Variants in UCP1 observed in about 807,000 individuals in gnomAD.
UCP1 encodes the protein mitochondrial brown fat uncoupling protein 1.
Under a neutral mutation model 26.2 loss-of-function variants are expected in UCP1, and 24 were observed. That is an observed-to-expected ratio of 0.92 (90% confidence interval 0.66 to 1.29). The LOEUF (loss-of-function observed/expected upper bound fraction) is 1.29. Ranked by LOEUF, UCP1 falls within the 50% of genes most tolerant of loss-of-function variation. The probability of loss-of-function intolerance (pLI) is 0.00; values close to 1 mark genes in which losing one functional copy is unlikely to be tolerated. For synonymous variants in UCP1, 164 were observed against 156.8 expected (o/e 1.05, Z -0.34); for missense variants, 402 against 388.7 (o/e 1.03, Z -0.29).
intron 2 of UCP1, among the ~76,000 whole-genome samples, chr4:140,565,249 A>G (rs1478062286): frequency 6.6e-6 from 1 of 152,174 alleles, no homozygotes; most frequent in African/African-American, 2.4e-5. Context: ...CTTTAAACAG[A>G]AACTTGGAAG....
At chr4:140,562,516 T>C (rs978538797) in intron 4 of UCP1, 143 bp from the exon 5 acceptor site, 2 of 901,104 alleles carry the variant, frequency 2.2e-6, no homozygotes, top group African/African-American at 3.4e-5. Context: ...AAGAAAGGTA[T>C]TGCACTAGAA....
At chr4:140,568,102 CTCTA>C in intron 1 of UCP1, 125 bp from the exon 2 acceptor site, 3 of 922,892 alleles carry the variant, frequency 3.3e-6, no homozygotes, top group Admixed American at 4.1e-5. Flanking sequence ...ATCCACCTCC[CTCTA>C]CCGTGTGTGT....
At chr4:140,560,659 C>T (rs889289644) in intron 5 of UCP1, among the ~76,000 whole-genome samples, 1 of 151,912 alleles carries the variant, frequency 6.6e-6, no homozygotes, top group Non-Finnish European at 1.5e-5. Context: ...TATTGTTTAA[C>T]CTATAAAAAA....
At chr4:140,564,456 A>T (rs1385515268) in intron 2 of UCP1, among the ~76,000 whole-genome samples, 1 of 152,240 alleles carries the variant, frequency 6.6e-6, no homozygotes. Context: ...AAGGTTCAGT[A>T]ACATTTACTC....
Position 140,568,860 on chromosome 4 carries a change from GGGCAGCGGCGGT to G in UCP1, c.-143_-132del. ...ATTTCTGTTTTTTGAACCGACCGCC[GGGCAGCGGCGGT>G]GCAGAGGCGGCGGCTGCAGACGGAG... On this transcript the variant is annotated 5_prime_UTR_variant, in exon 1 of 6. Transcript: ENST00000262999. The G allele has an allele frequency of 7.0e-7, 1 of 1,427,902 alleles. No individual in the cohort carries two copies. The highest frequency in any genetic ancestry group is 9.4e-7 in the Non-Finnish European group (1 of 1,058,994). 88.5% of individuals were successfully genotyped at this position (1,427,902 alleles called of 1,614,324 possible).
intron 2 of UCP1, among the ~76,000 whole-genome samples, chr4:140,567,304 G>C (rs1735820095): frequency 6.6e-6 from 1 of 152,076 alleles, no homozygotes; most frequent in South Asian, 2.1e-4. Context: ...ACAAAGTCTG[G>C]CTTTCTTTGC....
In UCP1 at chr4:140,567,811, G is replaced by C. The variant is rs143645398; in HGVS notation, c.293C>G (p.Thr98Arg). The C allele has an allele frequency of 2.5e-6, 4 of 1,614,124 alleles. No homozygotes were observed. Among genetic ancestry groups the C allele is most frequent in the Non-Finnish European group, 2.5e-6 (3 of 1,180,026 alleles). ...CCCTGCGGTGAGGAACTCCTGGACC[G>C]TGTCGTAGAGGCCGATCCTGAGAGA... ...SASLRIGLYD[T>R]VQEFLTAGKE... is the part of the protein sequence containing the mutation. Residue 98 changes from threonine to arginine, a missense_variant, in exon 2 of 6, where the codon ACG (threonine) becomes AGG (arginine). By Grantham distance (71) the Thr-to-Arg change is moderately conservative. Coordinates refer to ENST00000262999, the MANE Select transcript of UCP1 (RefSeq NM_021833.5).
Position 140,563,434 on chromosome 4 carries a change from A to G in UCP1, c.410T>C (p.Val137Ala). The G allele has an allele frequency of 6.2e-7, 1 of 1,614,024 alleles. No individual in the cohort carries two copies. Among genetic ancestry groups the G allele is most frequent in the Non-Finnish European group, 8.5e-7 (1 of 1,180,012 alleles). ...GCTCTGTGCTTGAAGTCTGACTTTC[A>G]CGACCTCTGTGGGTTGCCCAATGAA... ...AVFIGQPTEV[V>A]KVRLQAQSHL... Residue 137 changes from valine (V) to alanine (A), a missense_variant, in exon 3 of 6, where the codon GTG (valine) becomes GCG (alanine). Transcript: ENST00000262999.
intron 4 of UCP1, 60 bp from the exon 5 acceptor site, chr4:140,562,433 T>C (rs1735699091): frequency 6.5e-7 from 1 of 1,549,568 alleles, no homozygotes; most frequent in Non-Finnish European, 8.9e-7. Flanking sequence ...AATTTAGTTA[T>C]CTGTCATATC....
rs748125960 is a variant in UCP1, at chr4:140,568,658, C to A, written c.72G>T (p.Ala24=). The change falls in exon 1 of 6, where the codon GCG becomes GCT. Residue 24 remains alanine (A), a synonymous_variant. Transcript: ENST00000262999. The stretch of plus-strand genomic sequence containing the variant: ...GGAAGGTGATCACGTCCGCCAAGCA[C>A]GCCGCTATTCCAGCTGAGAAGAGCT... ...GVQLFSAGIA[A]CLADVITFPL... is the part of the protein sequence containing the mutation. The A allele has an allele frequency of 1.1e-5, 17 of 1,611,682 alleles. No individual in the cohort carries two copies. In the South Asian group the frequency reaches 1.9e-4, roughly 18 times the overall value.
At chr4:140,568,490 G>GT in intron 1 of UCP1, 114 bp downstream of exon 1, 1 of 1,537,748 alleles carries the variant, frequency 6.5e-7, no homozygotes, top group Non-Finnish European at 8.8e-7. Context: ...GCTTTGGAAG[G>GT]TCACCTACCC....
Position 140,568,042 on chromosome 4 carries a change from C to A in UCP1, c.127-65G>T, listed in dbSNP as rs979257173. ...TGAGTTCACTCTTAAGCCAAGATTT[C>A]CCCCTGTGTTCCTATTTTCCGTTTC... On this transcript the variant is annotated intron_variant, in intron 1 of 5. Transcript: ENST00000262999. 1.2e-5 allele frequency: 18 copies of A among 1,553,828 alleles called. No individual in the cohort carries two copies. In the Admixed American group the frequency reaches 2.8e-4, roughly 25 times the overall value.
In UCP1 at chr4:140,563,385, G is replaced by T. The variant is rs768884861; in HGVS notation, c.459C>A (p.Arg153=). The change falls in exon 3 of 6, where the codon CGC becomes CGA. Residue 153 remains arginine (R), a synonymous_variant. Coordinates refer to ENST00000262999, the MANE Select transcript of UCP1 (RefSeq NM_021833.5). ...AQSHLHGIKP[R]YTGTYNAYRI... Reference sequence around the variant, plus strand: ...TGTACGCATTATAAGTCCCCGTGTAGCGAGGTTTGATTCCGTGGAGATGGC... The same window carrying T: ...TGTACGCATTATAAGTCCCCGTGTATCGAGGTTTGATTCCGTGGAGATGGC... 8 of 1,614,022 alleles carry T rather than the reference G, an allele frequency of 5.0e-6. No individual in the cohort carries two copies.
At chr4:140,560,840 T>C (rs1409022975) in intron 5 of UCP1, among the ~76,000 whole-genome samples, 2 of 152,166 alleles carry the variant, frequency 1.3e-5, no homozygotes, top group South Asian at 4.1e-4. Context: ...TAGAACCTTT[T>C]TGTCACCCCA....
chr4:140,560,323 A>C (rs1405077772), intron 5 of UCP1, among the ~76,000 whole-genome samples: 1 of 152,200 alleles, frequency 6.6e-6, no homozygotes, highest in African/African-American at 2.4e-5. Flanking sequence ...CTCTGCTGAA[A>C]ATAAATTTTC....
chr4:140,565,406 C>A (rs1023002255), intron 2 of UCP1, among the ~76,000 whole-genome samples: 10 of 152,174 alleles, frequency 6.6e-5, no homozygotes, highest in Admixed American at 5.9e-4. Context: ...TTCTTGCTTT[C>A]TAACTTACCT....
chr4:140,568,601 T>A lies in UCP1; in HGVS notation c.126+3A>T. On this transcript the variant is annotated splice_donor_region_variant and intron_variant, in intron 1 of 5. Transcript: ENST00000262999. ...CCCTTGTCTTACCCCTCTGCCTAGC[T>A]ACCTGGAGCCGGACTTTGGCCGTGT... 2 of 1,613,766 alleles carry A rather than the reference T, an allele frequency of 1.2e-6. No homozygotes were observed. Among genetic ancestry groups the A allele is most frequent in the Admixed American group, 3.3e-5 (2 of 60,010 alleles).
At chr4:140,566,926 G>C (rs1368223137) in intron 2 of UCP1, among the ~76,000 whole-genome samples, 1 of 152,238 alleles carries the variant, frequency 6.6e-6, no homozygotes, top group Non-Finnish European at 1.5e-5. Flanking sequence ...TCCGAGGCCA[G>C]ACTGCCTGGG....
In UCP1 at chr4:140,562,391, A is replaced by G; in HGVS notation, c.629-18T>C. ...GACGTCATCTAAAATGGATCGATGA[A>G]ACAGGTCAACATCAGACTTTTGGGG... On this transcript the variant is annotated intron_variant, in intron 4 of 5. Coordinates refer to ENST00000262999, the MANE Select transcript of UCP1 (RefSeq NM_021833.5). 1 of 1,613,466 alleles carries G rather than the reference A, an allele frequency of 6.2e-7. No individual in the cohort carries two copies. Among genetic ancestry groups the G allele is most frequent in the Non-Finnish European group, 8.5e-7 (1 of 1,179,808 alleles).
Sources: gnomAD v4.1 joint callset for allele counts (sites outside exome capture counted in the v4.1 genomes callset) on GRCh38, gnomAD v4.1.1 for gene constraint, MANE v1.5 for transcripts, NCBI Gene and HGNC (gene_info 2026-07-23, HGNC 2026-07-21) for gene names.